Variants in LRRC8D observed in about 807,000 individuals in gnomAD.
LRRC8D encodes leucine rich repeat containing 8 VRAC subunit D.
LRRC8D carries 20 observed loss-of-function variants against 55.8 expected under a neutral mutation model. The observed-to-expected ratio is 0.36, with a 90% CI of 0.25 to 0.52. The LOEUF is 0.52. LRRC8D is among the 20% of genes least tolerant of loss of function. The pLI is 0.93. For missense variants in LRRC8D, 651 were observed against 1,030.8 expected, an observed-to-expected ratio of 0.63 and a Z score of 5.05; for synonymous variants, 352 against 377.0, an observed-to-expected ratio of 0.93 and a Z score of 0.77.
chr1:89,917,023 TA>T (rs1376769741), intron 2 of LRRC8D, among the ~76,000 whole-genome samples: 1 of 152,116 alleles, frequency 6.6e-6, no homozygotes, highest in African/African-American at 2.4e-5. Context: ...AAGGTGGAAA[TA>T]GGGGTGAAAA....
At chr1:89,880,201 A>G (rs1469933445) in intron 2 of LRRC8D, among the ~76,000 whole-genome samples, 1 of 150,616 alleles carries the variant, frequency 6.6e-6, no homozygotes, top group Non-Finnish European at 1.5e-5. Context: ...AGTCTCGTGT[A>G]GCTGACTATA....
Position 89,933,709 on chromosome 1 carries a change from C to G in LRRC8D, c.641C>G (p.Ser214Cys), listed in dbSNP as rs1663769003. ...TCCCCTTGGACGACAAAAGCGTTGT[C>G]TGAGACAGCATGCGAAGACTCAGAG... ...FESPWTTKAL[S>C]ETACEDSEEN... Residue 214 changes from serine (S) to cysteine (C), a missense_variant, in exon 3 of 3, where the codon TCT (serine) becomes TGT (cysteine). Around this residue, in one of 5 missense-constraint regions of LRRC8D, gnomAD observed 178 missense variants for 374.9 expected, o/e 0.47. Coordinates refer to ENST00000337338, the MANE Select transcript of LRRC8D (RefSeq NM_001134479.2). This position sits in a 1 kb window ranked among gnomAD's most constrained non-coding sequence, Gnocchi z 7.0. 6.2e-7 allele frequency: 1 copy of G among 1,614,024 alleles called. No homozygotes were observed. The highest frequency in any genetic ancestry group is 8.5e-7 in the Non-Finnish European group (1 of 1,180,036).
chr1:89,933,077 C>T lies in LRRC8D; in HGVS notation c.9C>T (p.Thr3=), dbSNP rs1221964592. MF[T]LAEVASLNDI... ...CTTCTTGTTTTCTAGGAATGTTTAC[C>T]CTTGCGGAAGTTGCATCACTTAATG... Residue 3 remains threonine (T), a synonymous_variant, in exon 3 of 3, where the codon ACC becomes ACT. Coordinates refer to ENST00000337338, the MANE Select transcript of LRRC8D (RefSeq NM_001134479.2). This position sits in a 1 kb window ranked among gnomAD's most constrained non-coding sequence, Gnocchi z 7.0. The T allele has an allele frequency of 1.2e-6, 2 of 1,604,932 alleles. No individual in the cohort carries two copies. The highest frequency in any genetic ancestry group is 1.1e-5 in the South Asian group (1 of 90,754).
chr1:89,846,960 C>G (rs1661297393), intron 2 of LRRC8D, among the ~76,000 whole-genome samples: 1 of 152,160 alleles, frequency 6.6e-6, no homozygotes. Context: ...ACTCTCCACT[C>G]CCCACTACTG....
In LRRC8D at chr1:89,850,477, G is replaced by A. The variant is rs12036082; in HGVS notation, c.-3+6695G>A. Among the ~76,000 whole-genome samples, 1,754 of 152,216 alleles carry A rather than the reference G, an allele frequency of 0.012. 58 individuals are homozygous for A. The East Asian group carries it at 0.14, about 12-fold the overall frequency. On this transcript the variant is annotated intron_variant, in intron 2 of 2. Coordinates refer to ENST00000337338, the MANE Select transcript of LRRC8D (RefSeq NM_001134479.2). ...GTGTTATTTTCCTCTATGTGTCCATGTGTTCTCATCATTTAGCTCCCACTT... is the reference window on the plus strand; with the variant it reads ...GTGTTATTTTCCTCTATGTGTCCATATGTTCTCATCATTTAGCTCCCACTT...
At chr1:89,928,115 G>C (rs950948582) in intron 2 of LRRC8D, among the ~76,000 whole-genome samples, 3 of 152,168 alleles carry the variant, frequency 2.0e-5, no homozygotes, top group African/African-American at 7.2e-5. Flanking sequence ...TGTTTCCCAG[G>C]CTGGAGTGCC....
At chr1:89,898,186 G>C (rs1343683047) in intron 2 of LRRC8D, among the ~76,000 whole-genome samples, 3 of 152,140 alleles carry the variant, frequency 2.0e-5, no homozygotes, top group Non-Finnish European at 4.4e-5. Flanking sequence ...TGCAGTTATT[G>C]TACCAGAGTT....
At chr1:89,905,030 G>A (rs1431597979) in intron 2 of LRRC8D, among the ~76,000 whole-genome samples, 1 of 132,404 alleles carries the variant, frequency 7.6e-6, no homozygotes, top group Non-Finnish European at 1.8e-5. Context: ...TTTTATAAAG[G>A]ATTGATAGTT....
At chr1:89,832,801 A>T (rs570791236) in intron 1 of LRRC8D, among the ~76,000 whole-genome samples, 1 of 152,264 alleles carries the variant, frequency 6.6e-6, no homozygotes, top group South Asian at 2.1e-4. Context: ...TAACCTTCTT[A>T]TAAAATACAC....
chr1:89,861,298 T>A (rs750773624), intron 2 of LRRC8D, among the ~76,000 whole-genome samples: 5 of 152,186 alleles, frequency 3.3e-5, no homozygotes, highest in Admixed American at 2.0e-4. Context: ...TCCCCCTCTT[T>A]AAAATGAGGT....
chr1:89,900,059 C>T (rs1408707539), intron 2 of LRRC8D, among the ~76,000 whole-genome samples: 2 of 152,066 alleles, frequency 1.3e-5, no homozygotes, highest in Non-Finnish European at 2.9e-5. Flanking sequence ...GATAATTGTA[C>T]GAGAGTGTAG....
chr1:89,858,171 G>A (rs116337583), intron 2 of LRRC8D, among the ~76,000 whole-genome samples: 1,568 of 152,344 alleles, frequency 0.01, 21 homozygotes, highest in African/African-American at 0.036. Context: ...AGAGATTGCC[G>A]TGAGCAGAGA....
intron 2 of LRRC8D, among the ~76,000 whole-genome samples, chr1:89,916,067 C>A (rs1386085479): frequency 6.6e-6 from 1 of 152,216 alleles, no homozygotes; most frequent in East Asian, 1.9e-4. Flanking sequence ...GAACTGCAGG[C>A]TGCTCAATTG....
In LRRC8D at chr1:89,935,805, G is replaced by T; in HGVS notation, c.*160G>T. ...AGGCTGATAGAAGACATAACTGAAT[G>T]TTCAATGTTTGTAGGGTTTTAAGTC... On this transcript the variant is annotated 3_prime_UTR_variant, in exon 3 of 3. Coordinates refer to ENST00000337338, the MANE Select transcript of LRRC8D (RefSeq NM_001134479.2). 1 of 620,798 alleles carries T rather than the reference G, an allele frequency of 1.6e-6. No homozygotes were observed. Among genetic ancestry groups the T allele is most frequent in the Non-Finnish European group, 2.7e-6 (1 of 366,108 alleles). The allele number at this position is 620,798 out of a possible 1,614,324, so 38.5% of individuals were successfully genotyped here.
Position 89,934,871 on chromosome 1 carries a change from A to C in LRRC8D, c.1803A>C (p.Lys601Asn). The C allele has an allele frequency of 6.2e-7, 1 of 1,614,148 alleles. No individual in the cohort carries two copies. Among genetic ancestry groups the C allele is most frequent in the Non-Finnish European group, 8.5e-7 (1 of 1,180,006 alleles). ...KILHVKSNLT[K>N]VPSNITDVAP... is the part of the protein sequence containing the mutation. ...TCCACGTGAAGAGCAATTTGACCAA[A>C]GTTCCCTCCAACATTACAGATGTGG... is the stretch of plus-strand genomic sequence containing the variant. The change falls in exon 3 of 3, where the codon AAA (lysine) becomes AAC (asparagine). Residue 601 changes from lysine (K) to asparagine (N), a missense_variant. Transcript: ENST00000337338. The surrounding 1 kb of genome is among the most constrained non-coding windows in gnomAD (Gnocchi z 5.9).
chr1:89,849,648 A>C (rs916518920), intron 2 of LRRC8D, among the ~76,000 whole-genome samples: 2 of 151,978 alleles, frequency 1.3e-5, no homozygotes, highest in Non-Finnish European at 2.9e-5. Flanking sequence ...TACTTAATTT[A>C]ATTTCCCTTT....
At position 89,840,367 on chromosome 1, in the gene LRRC8D, A is replaced by G. The variant is rs574281646; in HGVS notation, c.-147-3271A>G. 1.2e-4 allele frequency among the ~76,000 whole-genome samples: 19 copies of G among 152,318 alleles called. No individual in the cohort carries two copies. The East Asian group carries it at 3.7e-3, about 29-fold the overall frequency. ...GCCTCATGGTAGTTAGGATTAGGAAATGTCAGGGGCTGTGTTGTATTCTCC... is the reference window on the plus strand; with the variant it reads ...GCCTCATGGTAGTTAGGATTAGGAAGTGTCAGGGGCTGTGTTGTATTCTCC... On this transcript the variant is annotated intron_variant, in intron 1 of 2. Transcript: ENST00000337338.
chr1:89,833,823 TC>T (rs966130725), intron 1 of LRRC8D: 2 of 152,236 alleles, frequency 1.3e-5, no homozygotes, highest in African/African-American at 4.8e-5. Context: ...CCCTTTTCTT[TC>T]CTGTTCTCTC....
intron 2 of LRRC8D, among the ~76,000 whole-genome samples, chr1:89,900,191 A>G (rs1347268130): frequency 1.3e-5 from 2 of 152,236 alleles, no homozygotes; most frequent in Non-Finnish European, 2.9e-5. Context: ...AAGACAGGTA[A>G]TTAACAAGGT....
Sources: allele counts gnomAD v4.1 joint callset (sites outside exome capture counted in the v4.1 genomes callset), GRCh38; gene constraint gnomAD v4.1.1; regional missense constraint gnomAD v4.1.1; non-coding constraint Gnocchi (gnomAD v3.1); transcripts MANE v1.5; gene names NCBI Gene and HGNC (gene_info 2026-07-23, HGNC 2026-07-21).